VSIR: variants seen among roughly 807,000 people sequenced by gnomAD.
VSIR encodes the protein V-type immunoglobulin domain-containing suppressor of T-cell activation.
Under a neutral mutation model 31.0 loss-of-function variants are expected in VSIR, and 10 were observed. The ratio of observed to expected loss-of-function variants is 0.32; its 90% CI spans 0.20 to 0.55. VSIR has a LOEUF of 0.55. Among genes scored for constraint, VSIR ranks in the 20% least tolerant of loss-of-function variants. VSIR has a pLI of 0.93. For synonymous variants in VSIR, 179 were observed against 180.1 expected (o/e 0.99, Z 0.05); for missense variants, 356 against 416.2 (o/e 0.86, Z 1.26).
Position 71,762,003 on chromosome 10 carries a change from C to A in VSIR, c.106G>T (p.Ala36Ser). Residue 36 changes from alanine to serine, a missense_variant, in exon 2 of 7, where the codon GCC becomes TCC. Transcript: ENST00000394957. ...SLGPVAAFKV[A>S]TPYSLYVCPE... is the part of the protein sequence containing the mutation. ...CAGACATACAGGGAATACGGCGTGG[C>A]GACCTTGAAGGCTGCCACCGGACCT... is the stretch of plus-strand genomic sequence containing the variant. The A allele has an allele frequency of 6.2e-7, 1 of 1,607,528 alleles. No homozygotes were observed. Among genetic ancestry groups the A allele is most frequent in the Non-Finnish European group, 8.5e-7 (1 of 1,176,122 alleles).
intron 1 of VSIR, among the ~76,000 whole-genome samples, chr10:71,763,881 G>A (rs1471883228): frequency 6.6e-6 from 1 of 152,162 alleles, no homozygotes; most frequent in Non-Finnish European, 1.5e-5. Flanking sequence ...GTGAATGACT[G>A]ATAACAACTT....
intron 4 of VSIR, among the ~76,000 whole-genome samples, chr10:71,754,416 C>A (rs925550732): frequency 6.6e-6 from 1 of 152,156 alleles, no homozygotes; most frequent in Non-Finnish European, 1.5e-5. Context: ...AGCCACCTGG[C>A]ACCAGAGCAA....
intron 4 of VSIR, chr10:71,753,798 G>C (rs571878572): frequency 2.2e-6 from 1 of 456,464 alleles, no homozygotes; most frequent in East Asian, 6.9e-5. Context: ...CACAACAACA[G>C]AACAAACACA....
At position 71,755,363 on chromosome 10, in the gene VSIR, G is replaced by A. The variant is rs777935388; in HGVS notation, c.672C>T (p.Asn224=). The change falls in exon 4 of 7, where the codon AAC becomes AAT. Residue 224 remains asparagine, a synonymous_variant. Transcript: ENST00000394957. The part of the protein sequence containing the change: ...LVYKQRQAAS[N]RRAQELVRMD... ...CAGGCAGGGAGGAATACTCACGGCG[G>A]TTGGAGGCTGCCTGCCTTTGCTTGT... is the stretch of plus-strand genomic sequence containing the variant. 1 of 1,608,378 alleles carries A rather than the reference G, an allele frequency of 6.2e-7. No homozygotes were observed. The highest frequency in any genetic ancestry group is 8.5e-7 in the Non-Finnish European group (1 of 1,176,592).
intron 1 of VSIR, 89 bp downstream of exon 1, chr10:71,773,269 C>A: frequency 2.1e-6 from 3 of 1,407,980 alleles, no homozygotes; most frequent in South Asian, 2.5e-5. Flanking sequence ...GCTGAGAGGG[C>A]CCCCAGGACG....
At chr10:71,755,085 A>G (rs553252861) in intron 4 of VSIR, 3 of 600,592 alleles carry the variant, frequency 5.0e-6, no homozygotes, top group African/African-American at 3.6e-5. Context: ...GAGCTACTGC[A>G]TATGATCATT....
At chr10:71,773,060 T>G (rs534645600) in intron 1 of VSIR, among the ~76,000 whole-genome samples, 1 of 152,288 alleles carries the variant, frequency 6.6e-6, no homozygotes, top group Non-Finnish European at 1.5e-5. Flanking sequence ...AAGCTACCTG[T>G]GCCCTGGGTT....
intron 1 of VSIR, among the ~76,000 whole-genome samples, chr10:71,765,017 G>C (rs778337083): frequency 1.3e-5 from 2 of 152,212 alleles, no homozygotes; most frequent in South Asian, 2.1e-4. Flanking sequence ...ACACCTGAGT[G>C]GGGTGGGTGT....
rs956308506 is a variant in VSIR at position 71,752,992 on chromosome 10, C to G, written c.687G>C (p.Glu229Asp). ...GGCCTTACCTGTCCATCCGCACCAG[C>G]TCCTGGGCACCTAGGGACAGACAGA... ...RQAASNRRAQ[E>D]LVRMDSNIQG... The change falls in exon 5 of 7, where the codon GAG becomes GAC. Residue 229 changes from glutamate to aspartate, a missense_variant. Glu to Asp is a conservative substitution (Grantham distance 45). Around this residue, in one of 2 missense-constraint regions of VSIR, gnomAD observed 190 missense variants for 185.2 expected, o/e 1.03. Transcript: ENST00000394957. 1 of 1,613,066 alleles carries G rather than the reference C, an allele frequency of 6.2e-7. No homozygotes were observed. The highest frequency in any genetic ancestry group is 8.5e-7 in the Non-Finnish European group (1 of 1,179,428).
intron 2 of VSIR, among the ~76,000 whole-genome samples, 199 bp downstream of exon 2, chr10:71,761,398 CT>C (rs1448456419): frequency 6.6e-6 from 1 of 152,164 alleles, no homozygotes; most frequent in Non-Finnish European, 1.5e-5. Flanking sequence ...CAGGTACACC[CT>C]CCCTCTCCAT....
rs1210915907 is a variant in VSIR at position 71,750,334 on chromosome 10, G to GT, written c.*918dup. ...GGGTTTGCACCTGTTTCCCCATGTA[G>GT]TTTTTAATAGCATCCCGCTTCATAC... On this transcript the variant is annotated 3_prime_UTR_variant, in exon 7 of 7. Coordinates refer to ENST00000394957, the MANE Select transcript of VSIR (RefSeq NM_022153.2). 2 of 151,970 alleles carry GT rather than the reference G, an allele frequency of 1.3e-5. No individual in the cohort carries two copies. The highest frequency in any genetic ancestry group is 6.6e-5 in the Admixed American group (1 of 15,266). 9.4% of individuals were successfully genotyped at this position (151,970 alleles called of 1,614,324 possible).
rs1840001810 is a variant in VSIR at position 71,751,520 on chromosome 10, A to G, written c.898+148T>C. ...GCCGTGGAACTCTTCAGGGAGGTGA[A>G]TGGGGGCCCCTCTGTCCCTCACCCT... On this transcript the variant is annotated intron_variant, in intron 6 of 6. Coordinates refer to ENST00000394957, the MANE Select transcript of VSIR (RefSeq NM_022153.2). This position sits in a 1 kb window ranked among gnomAD's most constrained non-coding sequence, Gnocchi z 4.9. 5.5e-6 allele frequency: 3 copies of G among 540,708 alleles called. No homozygotes were observed. Among genetic ancestry groups the G allele is most frequent in the Admixed American group, 7.0e-5 (2 of 28,776 alleles). 33.5% of individuals were successfully genotyped at this position (540,708 alleles called of 1,614,324 possible). A position where few individuals can be genotyped will look rare whatever the true frequency, so the allele number is the denominator to read the frequency against.
chr10:71,762,815 ATCCATGCACGTCCT>A (rs964993926), intron 1 of VSIR, among the ~76,000 whole-genome samples: 1 of 152,254 alleles, frequency 6.6e-6, no homozygotes, highest in African/African-American at 2.4e-5. Context: ...AGGTCATCTC[ATCCATGCACGTCCT>A]TCCAGCCAAA....
At chr10:71,761,161 C>T (rs1466974627) in intron 2 of VSIR, among the ~76,000 whole-genome samples, 1 of 152,182 alleles carries the variant, frequency 6.6e-6, no homozygotes, top group Non-Finnish European at 1.5e-5. Context: ...GCCCACACCT[C>T]TATCCGAACC....
chr10:71,765,412 G>A lies in VSIR; in HGVS notation c.83-3386C>T, dbSNP rs551936778. On this transcript the variant is annotated intron_variant, in intron 1 of 6. Transcript: ENST00000394957. ...AGAGCTGGCAGCCAAAGCAAGATGCGCAAAGCTGAGCTGGGTGGGGTTGGG... is the reference window on the plus strand; with the variant it reads ...AGAGCTGGCAGCCAAAGCAAGATGCACAAAGCTGAGCTGGGTGGGGTTGGG... 6.6e-5 allele frequency among the ~76,000 whole-genome samples: 10 copies of A among 152,324 alleles called. No homozygotes were observed. The East Asian group carries it at 1.7e-3, about 27-fold the overall frequency.
Position 71,757,055 on chromosome 10 carries a change from C to T in VSIR, c.569-1589G>A, listed in dbSNP as rs556243530. The stretch of plus-strand genomic sequence containing the variant: ...AGATCTTAGCAAGGCTGCATTTTGA[C>T]GTGGAATATTGAAAGTAAAGACATT... On this transcript the variant is annotated intron_variant, in intron 3 of 6. Transcript: ENST00000394957. Among the ~76,000 whole-genome samples the T allele has an allele frequency of 2.0e-4, 30 of 152,366 alleles. No homozygotes were observed. The East Asian group carries it at 5.4e-3, about 27-fold the overall frequency.
chr10:71,770,989 G>A (rs183723210), intron 1 of VSIR, among the ~76,000 whole-genome samples: 5 of 152,170 alleles, frequency 3.3e-5, no homozygotes, highest in East Asian at 1.9e-4. Context: ...CCATTGCTGC[G>A]TCAGAGGCTT....
At chr10:71,760,102 CAT>C (rs200305639) in intron 3 of VSIR, among the ~76,000 whole-genome samples, 9,074 of 111,616 alleles carry the variant, frequency 0.081, 3,614 homozygotes, top group South Asian at 0.22. Context: ...TACACACACA[CAT>C]ACATACATAT....
At position 71,759,846 on chromosome 10, in the gene VSIR, C is replaced by CACACATACACACACACACACAT. The variant is rs776230069; in HGVS notation, c.568+1021_568+1022insATGTGTGTGTGTGTGTATGTGT. Among the ~76,000 whole-genome samples, 13 of 59,964 alleles carry CACACATACACACACACACACAT rather than the reference C, an allele frequency of 2.2e-4. 3 individuals carry two copies. In the East Asian group the frequency reaches 9.0e-3, roughly 41 times the overall value. 39.3% of individuals were successfully genotyped at this position (59,964 alleles called of 152,430 possible). On this transcript the variant is annotated intron_variant, in intron 3 of 6. Transcript: ENST00000394957. ...ACACACACACACACACACACACACA[C>CACACATACACACACACACACAT]ATATACACACACACACACATATATA...
Sources: allele counts gnomAD v4.1 joint callset (sites outside exome capture counted in the v4.1 genomes callset), GRCh38; gene constraint gnomAD v4.1.1; regional missense constraint gnomAD v4.1.1; non-coding constraint Gnocchi (gnomAD v3.1); transcripts MANE v1.5; gene names NCBI Gene and HGNC (gene_info 2026-07-23, HGNC 2026-07-21).